ATP2B2: variants seen among roughly 807,000 people sequenced by gnomAD.
ATP2B2 encodes the protein plasma membrane calcium-transporting ATPase 2.
Under a neutral mutation model 120.0 loss-of-function variants are expected in ATP2B2, and 15 were observed. That is an observed-to-expected ratio of 0.12 (90% confidence interval 0.08 to 0.19). The LOEUF (loss-of-function observed/expected upper bound fraction) is 0.19. Among genes scored for constraint, ATP2B2 ranks in the 10% least tolerant of loss-of-function variants. ATP2B2 has a pLI of 1.00. For missense variants in ATP2B2, 1,045 were observed against 1,719.8 expected (o/e 0.61, Z 6.94); for synonymous variants, 694 against 700.3 (o/e 0.99, Z 0.14).
At chr3:10,461,323 G>T (rs1323335212) in intron 1 of ATP2B2, among the ~76,000 whole-genome samples, 1 of 152,220 alleles carries the variant, frequency 6.6e-6, no homozygotes, top group Non-Finnish European at 1.5e-5. Flanking sequence ...TCCACCCAGA[G>T]TCTCCTTGGC....
intron 2 of ATP2B2, among the ~76,000 whole-genome samples, chr3:10,435,441 A>G (rs1250097289): frequency 6.6e-6 from 1 of 152,200 alleles, no homozygotes; most frequent in Non-Finnish European, 1.5e-5. Flanking sequence ...CACTAGGCTT[A>G]GGATGACCAC....
intron 1 of ATP2B2, among the ~76,000 whole-genome samples, chr3:10,681,744 G>A (rs951955356): frequency 2.0e-5 from 3 of 152,198 alleles, no homozygotes; most frequent in African/African-American, 7.2e-5. Flanking sequence ...AACAGAGGGG[G>A]AAACTGAGAC....
At chr3:10,486,866 C>T (rs540449694) in intron 1 of ATP2B2, among the ~76,000 whole-genome samples, 4 of 151,932 alleles carry the variant, frequency 2.6e-5, no homozygotes, top group Non-Finnish European at 5.9e-5. Context: ...ACTACAGGTG[C>T]GAGCCACCAC....
At chr3:10,335,446 A>G (rs867010723) in intron 22 of ATP2B2, among the ~76,000 whole-genome samples, 1 of 117,564 alleles carries the variant, frequency 8.5e-6, no homozygotes, top group Non-Finnish European at 1.7e-5. Context: ...TGCAGCGTCT[A>G]GGCTGTGAGC....
intron 6 of ATP2B2, chr3:10,388,031 G>T: frequency 4.0e-6 from 2 of 497,470 alleles, no homozygotes; most frequent in East Asian, 4.1e-5. Context: ...CCTTGGCCTG[G>T]CCCGGAGGGG....
intron 6 of ATP2B2, chr3:10,387,767 A>G: frequency 4.8e-6 from 1 of 209,172 alleles, no homozygotes; most frequent in South Asian, 8.6e-5. Context: ...GTCTGGGAGC[A>G]CTGGAGAGTA....
At position 10,388,296 on chromosome 3, in the gene ATP2B2, T is replaced by C. The variant is rs756652344; in HGVS notation, c.888A>G (p.Glu296=). 6.2e-7 allele frequency: 1 copy of C among 1,614,214 alleles called. No individual in the cohort carries two copies. The highest frequency in any genetic ancestry group is 8.5e-7 in the Non-Finnish European group (1 of 1,180,028). ...GCTTACCTTTTTTGTCTTTCTTCTC[T>C]TCCTCTTCACCACCAGCCCCCAGGA... ...FTLLGAGGEE[E]EKKDKKGVKK... Residue 296 remains glutamate, a synonymous_variant, in exon 6 of 23, where the codon GAA becomes GAG. Transcript: ENST00000360273.
intron 1 of ATP2B2, among the ~76,000 whole-genome samples, chr3:10,488,025 C>T (rs1026417977): frequency 2.6e-5 from 4 of 152,076 alleles, no homozygotes; most frequent in African/African-American, 9.7e-5. Flanking sequence ...GTCCACCCAT[C>T]TACTCACTCA....
intron 2 of ATP2B2, among the ~76,000 whole-genome samples, chr3:10,443,614 G>A (rs2063741282): frequency 6.6e-6 from 1 of 152,208 alleles, no homozygotes; most frequent in Admixed American, 6.5e-5. Context: ...GACAGCGGAA[G>A]TGAAAGTAGG....
chr3:10,393,805 C>G (rs3774160), intron 5 of ATP2B2, among the ~76,000 whole-genome samples: 43,398 of 152,156 alleles, frequency 0.29, 7,501 homozygotes, highest in East Asian at 0.69. Flanking sequence ...GGTCTCTGAC[C>G]TGGCAGCAGA....
intron 2 of ATP2B2, among the ~76,000 whole-genome samples, chr3:10,581,952 C>T (rs1338282887): frequency 6.6e-6 from 1 of 152,228 alleles, no homozygotes; most frequent in Admixed American, 6.5e-5. Flanking sequence ...CAAATATCAG[C>T]TCCCAACTTT....
At chr3:10,626,031 G>A (rs1183431532) in intron 1 of ATP2B2, 2 of 142,998 alleles carry the variant, frequency 1.4e-5, no homozygotes, top group Admixed American at 1.4e-4. Flanking sequence ...TCTAAAATAA[G>A]TTTATTTTGG....
intron 1 of ATP2B2, among the ~76,000 whole-genome samples, chr3:10,452,632 G>T (rs1305168634): frequency 6.6e-6 from 1 of 150,632 alleles, no homozygotes; most frequent in East Asian, 1.9e-4. Flanking sequence ...GAGGTCAGGG[G>T]TCCTTCAGGC....
intron 1 of ATP2B2, among the ~76,000 whole-genome samples, chr3:10,651,767 G>GGATGGATA (rs2070473346): frequency 6.6e-6 from 1 of 151,854 alleles, no homozygotes; most frequent in Non-Finnish European, 1.5e-5. Flanking sequence ...ATGGATGGAT[G>GGATGGATA]GATGGATAGA....
intron 1 of ATP2B2, among the ~76,000 whole-genome samples, chr3:10,671,977 A>G (rs2071109856): frequency 6.6e-6 from 1 of 152,246 alleles, no homozygotes; most frequent in Non-Finnish European, 1.5e-5. Flanking sequence ...CTGTGGGCAG[A>G]GGGTCCTGAG....
intron 2 of ATP2B2, among the ~76,000 whole-genome samples, chr3:10,422,415 C>G (rs1223531937): frequency 6.6e-6 from 1 of 152,088 alleles, no homozygotes; most frequent in Non-Finnish European, 1.5e-5. Flanking sequence ...GTATGCAATG[C>G]CTAGAGTTTA....
At chr3:10,670,193 C>T (rs951154592) in intron 1 of ATP2B2, among the ~76,000 whole-genome samples, 2 of 152,204 alleles carry the variant, frequency 1.3e-5, no homozygotes, top group Admixed American at 6.5e-5. Context: ...TAATGATGCC[C>T]TCTTTGCTGG....
At chr3:10,434,238 C>T (rs947064513) in intron 2 of ATP2B2, among the ~76,000 whole-genome samples, 3 of 152,244 alleles carry the variant, frequency 2.0e-5, no homozygotes, top group African/African-American at 7.2e-5. Context: ...TCTCAAATGA[C>T]ATTAGCAGAC....
intron 1 of ATP2B2, among the ~76,000 whole-genome samples, chr3:10,634,406 G>T (rs1419566564): frequency 6.6e-6 from 1 of 152,172 alleles, no homozygotes; most frequent in Non-Finnish European, 1.5e-5. Context: ...GTCCAATTCA[G>T]CCTTGGAGAC....
Sources: allele counts gnomAD v4.1 joint callset (sites outside exome capture counted in the v4.1 genomes callset), GRCh38; gene constraint gnomAD v4.1.1; transcripts MANE v1.5; gene names NCBI Gene and HGNC (gene_info 2026-07-23, HGNC 2026-07-21).